Variants in DRC10 observed in about 807,000 individuals in gnomAD.
DRC10 encodes the protein dynein regulatory complex subunit 10, also known as IQ domain-containing protein D.
chr12:113,209,434 C>T, the DRC10 span, among the ~76,000 whole-genome samples: 1 of 152,198 alleles, frequency 6.6e-6, no homozygotes, highest in Non-Finnish European at 1.5e-5. Flanking sequence ...CTCTGTTACC[C>T]TGGCTGGAGT....
At chr12:113,220,902 G>A in the DRC10 span, 1 of 270,892 alleles carries the variant, frequency 3.7e-6, no homozygotes, top group Non-Finnish European at 7.7e-6. Flanking sequence ...GATCGCAGCG[G>A]GGGCTTCTAA....
At chr12:113,208,216 C>T in the DRC10 span, 13 of 1,548,454 alleles carry the variant, frequency 8.4e-6, no homozygotes, top group South Asian at 2.5e-5. Context: ...ATGGAGACTT[C>T]GGTAGACTAC....
chr12:113,216,126 A>G, the DRC10 span, among the ~76,000 whole-genome samples: 9 of 152,338 alleles, frequency 5.9e-5, no homozygotes, highest in South Asian at 1.4e-3. Flanking sequence ...AGCAACCAAG[A>G]TGTCCTTCAG....
At chr12:113,199,430 C>A in the DRC10 span, among the ~76,000 whole-genome samples, 1 of 140,182 alleles carries the variant, frequency 7.1e-6, no homozygotes, top group Non-Finnish European at 1.6e-5. Flanking sequence ...ATAAATAAAC[C>A]CCCTAATCCT....
chr12:113,203,624 C>T, the DRC10 span, among the ~76,000 whole-genome samples: 8 of 151,376 alleles, frequency 5.3e-5, no homozygotes, highest in South Asian at 2.1e-4. Context: ...TATAGGTGCA[C>T]GCCACCACAC....
At chr12:113,198,228 T>TA in the DRC10 span, among the ~76,000 whole-genome samples, 100 of 149,328 alleles carry the variant, frequency 6.7e-4, no homozygotes, top group Non-Finnish European at 9.8e-4. Context: ...AAATAAAAAT[T>TA]AAAAAAAAAA....
At chr12:113,215,736 G>A in the DRC10 span, among the ~76,000 whole-genome samples, 2 of 152,100 alleles carry the variant, frequency 1.3e-5, no homozygotes, top group Non-Finnish European at 2.9e-5. Flanking sequence ...CATCACTTTG[G>A]CAGTTTCAGA....
the DRC10 span, among the ~76,000 whole-genome samples, chr12:113,213,628 C>T: frequency 2.0e-5 from 3 of 152,306 alleles, no homozygotes; most frequent in South Asian, 2.1e-4. Flanking sequence ...AGGGCCTGCA[C>T]CCCATCAGCA....
At chr12:113,202,252 G>A in the DRC10 span, among the ~76,000 whole-genome samples, 1 of 151,924 alleles carries the variant, frequency 6.6e-6, no homozygotes, top group African/African-American at 2.4e-5. Context: ...TTGTGGAGGA[G>A]CCAGACCCCT....
At chr12:113,211,826 G>T in the DRC10 span, among the ~76,000 whole-genome samples, 1 of 152,056 alleles carries the variant, frequency 6.6e-6, no homozygotes, top group Non-Finnish European at 1.5e-5. Flanking sequence ...AGCACTTTGG[G>T]AGGCCAAGGA....
chr12:113,203,069 A>G, the DRC10 span: 1 of 453,740 alleles, frequency 2.2e-6, no homozygotes, highest in Non-Finnish European at 4.4e-6. Context: ...CTCTGCAGCC[A>G]GGCTGGAGTA....
chr12:113,197,441 C>T, the DRC10 span: 1 of 786,570 alleles, frequency 1.3e-6, no homozygotes, highest in South Asian at 1.5e-5. Context: ...CAGAAGTTTG[C>T]CCACTCCATG....
the DRC10 span, among the ~76,000 whole-genome samples, chr12:113,205,594 T>A: frequency 6.7e-6 from 1 of 149,928 alleles, no homozygotes; most frequent in Non-Finnish European, 1.5e-5. Context: ...CTGCTAGCTG[T>A]AATAAAGAAA....
the DRC10 span, among the ~76,000 whole-genome samples, chr12:113,206,479 T>C: frequency 6.6e-6 from 1 of 152,160 alleles, no homozygotes; most frequent in Non-Finnish European, 1.5e-5. Context: ...TGTGAGGTCC[T>C]GTTCCAGCCA....
At chr12:113,211,084 G>T in the DRC10 span, among the ~76,000 whole-genome samples, 1 of 152,108 alleles carries the variant, frequency 6.6e-6, no homozygotes, top group Admixed American at 6.6e-5. Flanking sequence ...AGCTCTAGCT[G>T]CCATACTGCA....
the DRC10 span, among the ~76,000 whole-genome samples, chr12:113,220,120 G>A: frequency 4.0e-5 from 6 of 151,842 alleles, no homozygotes; most frequent in Admixed American, 2.6e-4. Context: ...CACCGCGCCC[G>A]GCCCTTAGCC....
the DRC10 span, among the ~76,000 whole-genome samples, chr12:113,219,058 C>T: frequency 2.6e-5 from 4 of 152,126 alleles, no homozygotes; most frequent in Admixed American, 2.6e-4. Flanking sequence ...ATTTTTGAGA[C>T]AGGGTCTCAC....
At chr12:113,203,224 CG>C in the DRC10 span, 4 of 332,746 alleles carry the variant, frequency 1.2e-5, no homozygotes, top group African/African-American at 8.6e-5. Context: ...AGGGTTTTGC[CG>C]TGTTGCCCAG....
chr12:113,211,645 A>C, the DRC10 span, among the ~76,000 whole-genome samples: 389 of 152,114 alleles, frequency 2.6e-3, 1 homozygote, highest in Non-Finnish European at 3.9e-3. Context: ...AAACAAAAAA[A>C]CAAAAAACAA....
Sources: allele counts gnomAD v4.1 joint callset (sites outside exome capture counted in the v4.1 genomes callset), GRCh38; gene constraint gnomAD v4.1.1; transcripts MANE v1.5; gene names NCBI Gene and HGNC (gene_info 2026-07-23, HGNC 2026-07-21).